SNX13: variants seen among roughly 807,000 people sequenced by gnomAD.
SNX13 encodes the protein sorting nexin-13.
In SNX13, 45 loss-of-function variants were observed where a neutral mutation model predicts 133.6. The ratio of observed to expected loss-of-function variants is 0.34; its 90% CI spans 0.27 to 0.43. The LOEUF (loss-of-function observed/expected upper bound fraction) is 0.43. Among genes scored for constraint, SNX13 ranks in the 20% least tolerant of loss-of-function variants. SNX13 has a pLI of 1.00. For missense variants in SNX13, 1,032 were observed against 1,145.1 expected, an observed-to-expected ratio of 0.90 and a Z score of 1.43; for synonymous variants, 414 against 373.9, an observed-to-expected ratio of 1.11 and a Z score of -1.24.
At chr7:17,873,062 G>T (rs921682930) in intron 8 of SNX13, among the ~76,000 whole-genome samples, 1 of 152,106 alleles carries the variant, frequency 6.6e-6, no homozygotes, top group African/African-American at 2.4e-5. Context: ...TAACACTAGG[G>T]TATAAGAAAA....
At chr7:17,850,249 A>T in intron 11 of SNX13, 98 bp downstream of exon 11, 1 of 598,210 alleles carries the variant, frequency 1.7e-6, no homozygotes. Flanking sequence ...AAAGTGCTGC[A>T]CTGGTAAACG....
intron 2 of SNX13, among the ~76,000 whole-genome samples, chr7:17,894,179 TG>T (rs1457443129): frequency 6.6e-6 from 1 of 151,744 alleles, no homozygotes; most frequent in Non-Finnish European, 1.5e-5. Context: ...GACATGCACC[TG>T]TAATCCCAGC....
chr7:17,871,014 C>CT (rs1310883052), intron 8 of SNX13, among the ~76,000 whole-genome samples: 30 of 140,258 alleles, frequency 2.1e-4, no homozygotes, highest in Non-Finnish European at 3.4e-4. Context: ...TTTTTTTTTT[C>CT]TTTTTTTTTG....
chr7:17,850,312 A>G (rs373291383), intron 11 of SNX13, 35 bp downstream of exon 11: 2 of 1,421,366 alleles, frequency 1.4e-6, no homozygotes, highest in African/African-American at 2.8e-5. Flanking sequence ...TATAGTATTT[A>G]TAACTAAACG....
intron 25 of SNX13, chr7:17,795,402 A>G (rs1783936852): frequency 6.6e-6 from 1 of 151,696 alleles, no homozygotes; most frequent in African/African-American, 2.4e-5. Context: ...TTTACTAAAA[A>G]ATAGGCAAGG....
intron 15 of SNX13, chr7:17,830,685 A>C (rs111965464): frequency 0.027 from 26,108 of 980,736 alleles, 407 homozygotes; most frequent in Non-Finnish European, 0.03. Flanking sequence ...TATTAACATT[A>C]ATGTCAAACA....
At chr7:17,868,072 A>G (rs1793615651) in intron 9 of SNX13, among the ~76,000 whole-genome samples, 2 of 152,290 alleles carry the variant, frequency 1.3e-5, no homozygotes, top group South Asian at 4.1e-4. Flanking sequence ...CATGTCAAGT[A>G]GTTCAAATCC....
At chr7:17,898,673 T>C (rs1186575775) in intron 1 of SNX13, among the ~76,000 whole-genome samples, 2 of 152,186 alleles carry the variant, frequency 1.3e-5, no homozygotes, top group Non-Finnish European at 2.9e-5. Context: ...GGATAAGTGC[T>C]ATGGAGAAAA....
intron 2 of SNX13, among the ~76,000 whole-genome samples, chr7:17,894,322 C>G (rs1223441417): frequency 6.6e-6 from 1 of 151,718 alleles, no homozygotes; most frequent in East Asian, 1.9e-4. Context: ...GAAAAATCAG[C>G]CCTTATTAAA....
intron 9 of SNX13, among the ~76,000 whole-genome samples, chr7:17,859,249 A>T (rs1302563865): frequency 1.3e-5 from 2 of 152,120 alleles, no homozygotes; most frequent in African/African-American, 4.8e-5. Flanking sequence ...TTATCAATTT[A>T]AAAAAGATAA....
intron 1 of SNX13, among the ~76,000 whole-genome samples, chr7:17,926,864 C>A (rs544167610): frequency 6.6e-6 from 1 of 151,942 alleles, no homozygotes; most frequent in Admixed American, 6.6e-5. Flanking sequence ...CTAGCCTGGA[C>A]GACAAAGTGA....
chr7:17,861,339 ATC>A (rs1491389384), intron 9 of SNX13, among the ~76,000 whole-genome samples: 4 of 100,280 alleles, frequency 4.0e-5, no homozygotes, highest in Non-Finnish European at 5.9e-5. Flanking sequence ...ACATACAGTT[ATC>A]TCACACACAC....
chr7:17,869,535 T>A (rs1267831799), intron 8 of SNX13, among the ~76,000 whole-genome samples: 1 of 152,142 alleles, frequency 6.6e-6, no homozygotes, highest in Non-Finnish European at 1.5e-5. Context: ...ACAGGATGTA[T>A]AATTTTTCTA....
At chr7:17,827,089 A>G (rs1787994144) in intron 16 of SNX13, among the ~76,000 whole-genome samples, 1 of 152,050 alleles carries the variant, frequency 6.6e-6, no homozygotes, top group African/African-American at 2.4e-5. Flanking sequence ...ATCTGCCTCC[A>G]ATAAAAAACC....
At chr7:17,900,474 G>A (rs1797700915) in intron 1 of SNX13, among the ~76,000 whole-genome samples, 1 of 152,206 alleles carries the variant, frequency 6.6e-6, no homozygotes, top group Admixed American at 6.5e-5. Flanking sequence ...GAAACCTCAG[G>A]AATCTACCTG....
At chr7:17,862,288 A>G (rs989984919) in intron 9 of SNX13, among the ~76,000 whole-genome samples, 3 of 152,204 alleles carry the variant, frequency 2.0e-5, no homozygotes, top group African/African-American at 7.2e-5. Context: ...AGTTTAGTAT[A>G]CAATATCCAT....
At chr7:17,818,177 T>G (rs1003844257) in intron 18 of SNX13, among the ~76,000 whole-genome samples, 7 of 152,304 alleles carry the variant, frequency 4.6e-5, no homozygotes, top group East Asian at 1.9e-4. Context: ...AATACCTTGA[T>G]CTTTGATTTC....
At chr7:17,906,116 T>C (rs1422153550) in intron 1 of SNX13, among the ~76,000 whole-genome samples, 1 of 152,140 alleles carries the variant, frequency 6.6e-6, no homozygotes, top group Non-Finnish European at 1.5e-5. Context: ...CATATATAAA[T>C]AATCACAAGT....
At chr7:17,890,065 G>T in intron 5 of SNX13, 2 of 208,842 alleles carry the variant, frequency 9.6e-6, no homozygotes, top group Non-Finnish European at 9.5e-6. Context: ...GGGGGAAGTA[G>T]CAATAAGTGG....
Sources: gnomAD v4.1 joint callset for allele counts (sites outside exome capture counted in the v4.1 genomes callset) on GRCh38, gnomAD v4.1.1 for gene constraint, MANE v1.5 for transcripts, NCBI Gene and HGNC (gene_info 2026-07-23, HGNC 2026-07-21) for gene names.